Variants in WWOX observed in about 807,000 individuals in gnomAD.
WWOX encodes the protein WW domain-containing oxidoreductase.
Under a neutral mutation model 46.2 loss-of-function variants are expected in WWOX, and 69 were observed. That is an observed-to-expected ratio of 1.49 (90% confidence interval 1.23 to 1.82). WWOX has a LOEUF of 1.82. WWOX is among the 40% of genes most tolerant of loss of function. The probability of loss-of-function intolerance (pLI) is 0.00; values close to 1 mark genes in which losing one functional copy is unlikely to be tolerated. For missense variants in WWOX, 919 were observed against 542.6 expected, an observed-to-expected ratio of 1.69 and a Z score of -6.89; for synonymous variants, 359 against 202.6, an observed-to-expected ratio of 1.77 and a Z score of -6.56.
At chr16:78,794,140 G>C (rs758719147) in intron 8 of WWOX, among the ~76,000 whole-genome samples, 3 of 152,100 alleles carry the variant, frequency 2.0e-5, no homozygotes, top group Non-Finnish European at 4.4e-5. Context: ...ATAATTGCAT[G>C]AGTGCCCTTA....
chr16:78,508,302 C>T (rs192407102), intron 8 of WWOX, among the ~76,000 whole-genome samples: 66 of 136,422 alleles, frequency 4.8e-4, no homozygotes, highest in East Asian at 4.1e-3. Context: ...TGAGCCACTG[C>T]GCCCGGCCTT....
chr16:78,354,180 C>A (rs1053837703), intron 5 of WWOX, among the ~76,000 whole-genome samples: 1 of 152,098 alleles, frequency 6.6e-6, no homozygotes, highest in Non-Finnish European at 1.5e-5. Context: ...CAGTTACCTT[C>A]TGTTTGTAAA....
chr16:78,801,950 G>T (rs1309996932), intron 8 of WWOX, among the ~76,000 whole-genome samples: 1 of 152,188 alleles, frequency 6.6e-6, no homozygotes, highest in African/African-American at 2.4e-5. Context: ...TCAGCAAAAT[G>T]GGGTAAGAAC....
intron 8 of WWOX, among the ~76,000 whole-genome samples, chr16:78,719,825 A>G (rs1444186989): frequency 6.6e-6 from 1 of 152,178 alleles, no homozygotes; most frequent in Admixed American, 6.6e-5. Context: ...CCAATCAAAA[A>G]CAAACAAATA....
intron 8 of WWOX, among the ~76,000 whole-genome samples, chr16:78,963,318 A>T (rs1253811028): frequency 6.6e-6 from 1 of 152,072 alleles, no homozygotes; most frequent in African/African-American, 2.4e-5. Flanking sequence ...AAATAAAAAA[A>T]ATTAGCTGCC....
chr16:78,229,527 TATATAA>T (rs1287047573), intron 5 of WWOX, among the ~76,000 whole-genome samples: 3 of 148,444 alleles, frequency 2.0e-5, no homozygotes, highest in African/African-American at 4.9e-5. Flanking sequence ...TATATATATA[TATATAA>T]AATAATGAAT....
rs560026528 is a variant in WWOX, at chr16:78,532,236, A to C, written c.1056+99484A>C. On this transcript the variant is annotated intron_variant, in intron 8 of 8. Transcript: ENST00000566780. ...TAATATTGGTATCACTTTAAAATGA[A>C]AATGAGTACTTGCAAAATGTATTTT... Among the ~76,000 whole-genome samples, 144 of 152,306 alleles carry C rather than the reference A, an allele frequency of 9.5e-4. 1 individual carries two copies. The highest frequency in any genetic ancestry group is 1.8e-3 in the Non-Finnish European group (122 of 68,032).
At chr16:79,066,336 T>G (rs902005243) in intron 8 of WWOX, among the ~76,000 whole-genome samples, 3 of 152,166 alleles carry the variant, frequency 2.0e-5, no homozygotes, top group African/African-American at 7.2e-5. Flanking sequence ...ATGTACTTGT[T>G]TATTATCTGT....
chr16:78,767,268 C>G (rs1034134223), intron 8 of WWOX, among the ~76,000 whole-genome samples: 3 of 152,006 alleles, frequency 2.0e-5, no homozygotes, highest in African/African-American at 4.8e-5. Flanking sequence ...GTGCATGCCA[C>G]CATGCCTGGC....
chr16:79,096,296 C>G (rs746520115), intron 8 of WWOX, among the ~76,000 whole-genome samples: 1 of 152,146 alleles, frequency 6.6e-6, no homozygotes, highest in South Asian at 2.1e-4. Context: ...TCCGAACTTT[C>G]TGAAGGCGTC....
rs560473370 is a variant in WWOX at position 78,599,217 on chromosome 16, C to T, written c.1056+166465C>T. On this transcript the variant is annotated intron_variant, in intron 8 of 8. Coordinates refer to ENST00000566780, the MANE Select transcript of WWOX (RefSeq NM_016373.4). ...ATCACCTCCAAGAATGGGTCTGCGT[C>T]TTGCACATTTTCCTTTTGAGAAAGA... is the stretch of plus-strand genomic sequence containing the variant. 9.5e-4 allele frequency among the ~76,000 whole-genome samples: 144 copies of T among 152,364 alleles called. 1 individual carries two copies. The highest frequency in any genetic ancestry group is 3.3e-3 in the African/African-American group (136 of 41,596).
chr16:78,360,066 T>A (rs1362291589), intron 5 of WWOX, among the ~76,000 whole-genome samples: 1 of 152,166 alleles, frequency 6.6e-6, no homozygotes, highest in Non-Finnish European at 1.5e-5. Context: ...GATACCAATT[T>A]AAGCTTGTCA....
rs554172489 is a variant in WWOX, at chr16:78,956,247, G to A, written c.1057-255361G>A. 6.8e-4 allele frequency among the ~76,000 whole-genome samples: 104 copies of A among 152,280 alleles called. 1 individual carries two copies. The South Asian group carries it at 7.0e-3, about 10-fold the overall frequency. On this transcript the variant is annotated intron_variant, in intron 8 of 8. Coordinates refer to ENST00000566780, the MANE Select transcript of WWOX (RefSeq NM_016373.4). ...TGTAGCCTTGACCTCGAGGGCTCAA[G>A]CAATTCTGCTGCCTCAGCCTCCTGA...
At chr16:78,496,075 T>A (rs1266732754) in intron 8 of WWOX, 1 of 152,186 alleles carries the variant, frequency 6.6e-6, no homozygotes, top group Admixed American at 6.5e-5. Flanking sequence ...TTGTACTTCT[T>A]TTAGGCTATT....
chr16:78,785,510 T>C (rs974886106), intron 8 of WWOX, among the ~76,000 whole-genome samples: 2 of 152,194 alleles, frequency 1.3e-5, no homozygotes, highest in Non-Finnish European at 2.9e-5. Flanking sequence ...ACACACAGCT[T>C]ATTATTTATT....
intron 8 of WWOX, among the ~76,000 whole-genome samples, chr16:78,537,543 G>A (rs977659094): frequency 3.3e-5 from 5 of 151,898 alleles, no homozygotes; most frequent in African/African-American, 9.7e-5. Context: ...CTTATAATCC[G>A]ATTGGTCATG....
intron 8 of WWOX, among the ~76,000 whole-genome samples, chr16:78,494,926 C>A (rs940063998): frequency 6.6e-6 from 1 of 152,148 alleles, no homozygotes; most frequent in Non-Finnish European, 1.5e-5. Flanking sequence ...GTTATTTCCT[C>A]TTTCGGTACT....
chr16:79,186,650 G>A (rs2051021517), intron 8 of WWOX, among the ~76,000 whole-genome samples: 1 of 151,912 alleles, frequency 6.6e-6, no homozygotes, highest in Non-Finnish European at 1.5e-5. Flanking sequence ...ATATTCTTCG[G>A]GACATGATTC....
chr16:78,633,801 G>T (rs1363951199), intron 8 of WWOX, among the ~76,000 whole-genome samples: 2 of 152,118 alleles, frequency 1.3e-5, no homozygotes, highest in African/African-American at 4.8e-5. Context: ...AACCCGGGCT[G>T]TGTTCCCGAG....
Sources: gnomAD v4.1 joint callset for allele counts (sites outside exome capture counted in the v4.1 genomes callset) on GRCh38, gnomAD v4.1.1 for gene constraint, MANE v1.5 for transcripts, NCBI Gene and HGNC (gene_info 2026-07-23, HGNC 2026-07-21) for gene names.